The following CUBN variants were observed in gnomAD, a reference collection of about 807,000 sequenced individuals.
CUBN encodes the protein 460 kDa receptor.
CUBN carries 282 observed loss-of-function variants against 405.3 expected under a neutral mutation model. The ratio of observed to expected loss-of-function variants is 0.70; its 90% CI spans 0.63 to 0.77. The LOEUF (loss-of-function observed/expected upper bound fraction) is 0.77. Ranked by LOEUF, CUBN falls within the 30% of genes least tolerant of loss-of-function variation. The probability of loss-of-function intolerance (pLI) is 0.00; values close to 1 mark genes in which losing one functional copy is unlikely to be tolerated. For missense variants in CUBN, 4,514 were observed against 4,475.2 expected (o/e 1.01, Z -0.25); for synonymous variants, 1,684 against 1,617.0 (o/e 1.04, Z -0.99).
chr10:16,990,113 C>G (rs1008573350), intron 29 of CUBN, among the ~76,000 whole-genome samples: 2 of 152,216 alleles, frequency 1.3e-5, no homozygotes, highest in Admixed American at 6.5e-5. Flanking sequence ...GCATTACCTC[C>G]TAACTCAGCT....
chr10:16,857,917 T>G (rs1255492785), intron 59 of CUBN, among the ~76,000 whole-genome samples: 1 of 152,130 alleles, frequency 6.6e-6, no homozygotes, highest in Non-Finnish European at 1.5e-5. Flanking sequence ...AAATCCCAAG[T>G]AATATGGAAA....
At position 17,044,469 on chromosome 10, in the gene CUBN, G is replaced by C. The variant is rs373102981; in HGVS notation, c.3673-486C>G. Among the ~76,000 whole-genome samples the C allele has an allele frequency of 4.6e-5, 7 of 151,976 alleles. No homozygotes were observed. In the East Asian group the frequency reaches 5.8e-4, roughly 13 times the overall value. Reference sequence around the variant, plus strand: ...AGTAATAAGCGTGTGAGCTTACACTGAAGGCTGAATATTGAAAATGAAAGC... The same window carrying C: ...AGTAATAAGCGTGTGAGCTTACACTCAAGGCTGAATATTGAAAATGAAAGC... On this transcript the variant is annotated intron_variant, in intron 25 of 66. Coordinates refer to ENST00000377833, the MANE Select transcript of CUBN (RefSeq NM_001081.4).
At chr10:16,827,217 C>CA (rs1352952234) in intron 66 of CUBN, among the ~76,000 whole-genome samples, 1 of 152,106 alleles carries the variant, frequency 6.6e-6, no homozygotes, top group African/African-American at 2.4e-5. Flanking sequence ...TAAATTAGGC[C>CA]ACACTCGTGC....
chr10:17,058,980 T>C (rs1835449776), intron 22 of CUBN, among the ~76,000 whole-genome samples: 1 of 151,996 alleles, frequency 6.6e-6, no homozygotes, highest in Admixed American at 6.6e-5. Flanking sequence ...TCTAAGAACA[T>C]TTACAAAGAA....
At position 16,950,111 on chromosome 10, in the gene CUBN, A is replaced by G. The variant is rs919920408; in HGVS notation, c.4970T>C (p.Leu1657Ser). 4 of 1,609,050 alleles carry G rather than the reference A, an allele frequency of 2.5e-6. No individual in the cohort carries two copies. The highest frequency in any genetic ancestry group is 2.6e-6 in the Non-Finnish European group (3 of 1,175,924). Residue 1657 changes from leucine (L) to serine (S), a missense_variant and splice_region_variant, in exon 34 of 67, where the codon TTA (leucine) becomes TCA (serine). By Grantham distance (145) the Leu-to-Ser change is moderately radical. Around this residue, in one of 5 missense-constraint regions of CUBN, gnomAD observed 1,613 missense variants for 1,542.8 expected, o/e 1.05. Coordinates refer to ENST00000377833, the MANE Select transcript of CUBN (RefSeq NM_001081.4). ...GGTAAAAGAGAGGGTGATATGATTT[A>G]CTGGAAGAAAAAAGAGAAGACTCTC... ...CSWIIQAQPPLNHITLSFTHF... is the reference protein window; with the variant it reads ...CSWIIQAQPPSNHITLSFTHF...
chr10:17,010,618 G>A (rs1482767224), intron 28 of CUBN, among the ~76,000 whole-genome samples: 1 of 152,042 alleles, frequency 6.6e-6, no homozygotes, highest in African/African-American at 2.4e-5. Flanking sequence ...CAGTTTGGAT[G>A]ACAGAGCAAG....
At chr10:17,042,086 C>T (rs569138435) in intron 26 of CUBN, among the ~76,000 whole-genome samples, 3 of 152,214 alleles carry the variant, frequency 2.0e-5, no homozygotes, top group Admixed American at 1.3e-4. Flanking sequence ...ATTCCTACTA[C>T]GATATGCTTT....
chr10:17,073,387 A>T (rs1301172321), intron 17 of CUBN, among the ~76,000 whole-genome samples: 1 of 151,918 alleles, frequency 6.6e-6, no homozygotes, highest in South Asian at 2.1e-4. Context: ...GTTTTATTAG[A>T]AAAAAAAGGA....
At chr10:17,125,036 T>C (rs1837141531) in intron 4 of CUBN, among the ~76,000 whole-genome samples, 2 of 151,834 alleles carry the variant, frequency 1.3e-5, no homozygotes, top group Admixed American at 1.3e-4. Flanking sequence ...TCCACCATGT[T>C]GACCAGGCTG....
At chr10:17,030,314 T>G (rs1834761881) in intron 27 of CUBN, among the ~76,000 whole-genome samples, 1 of 145,240 alleles carries the variant, frequency 6.9e-6, no homozygotes. Flanking sequence ...GGAAAAACTG[T>G]CTTCCACAAA....
chr10:16,866,986 T>A (rs1840204734), intron 59 of CUBN, among the ~76,000 whole-genome samples: 1 of 152,206 alleles, frequency 6.6e-6, no homozygotes, highest in Non-Finnish European at 1.5e-5. Flanking sequence ...CACATAATTA[T>A]ATAAGCCAAT....
rs551445211 is a variant in CUBN, at chr10:17,058,572, T to A, written c.3139+6936A>T. Among the ~76,000 whole-genome samples the A allele has an allele frequency of 1.3e-4, 20 of 152,266 alleles. No individual in the cohort carries two copies. In the South Asian group the frequency reaches 1.5e-3, roughly 11 times the overall value. On this transcript the variant is annotated intron_variant, in intron 22 of 66. Transcript: ENST00000377833. Reference sequence around the variant, plus strand: ...TAGGATATTTAATCTTAAAACCTGATGGTAGTTTTATGAGATTCAAATTTC... The same window carrying A: ...TAGGATATTTAATCTTAAAACCTGAAGGTAGTTTTATGAGATTCAAATTTC...
intron 28 of CUBN, among the ~76,000 whole-genome samples, chr10:17,011,911 C>T (rs914430981): frequency 6.6e-6 from 1 of 152,150 alleles, no homozygotes; most frequent in Non-Finnish European, 1.5e-5. Context: ...GACCCAGAAG[C>T]TCAGCTGGCT....
chr10:16,948,582 G>C lies in CUBN; in HGVS notation c.5105C>G (p.Pro1702Arg), dbSNP rs1842844570. The part of the protein sequence containing the change: ...LRGRYCGTDM[P>R]HPITSFSSAL... ...GCTGCTGAAGGATGTGATAGGATGG[G>C]GCATGTCGGTGCCACAGTAACGGCC... The change falls in exon 35 of 67, where the codon CCC becomes CGC. Residue 1702 changes from proline (P) to arginine (R), a missense_variant. Physicochemically the swap from Pro to Arg is moderately radical, Grantham distance 103. Coordinates refer to ENST00000377833, the MANE Select transcript of CUBN (RefSeq NM_001081.4). The C allele has an allele frequency of 6.2e-7, 1 of 1,613,976 alleles. No homozygotes were observed. The highest frequency in any genetic ancestry group is 8.5e-7 in the Non-Finnish European group (1 of 1,179,956).
intron 31 of CUBN, among the ~76,000 whole-genome samples, chr10:16,955,373 TCAAAAAAAAAAAAA>T (rs1354330454): frequency 4.8e-5 from 2 of 42,050 alleles, no homozygotes; most frequent in African/African-American, 1.1e-4. Context: ...AGATTCTGTC[TCAAAAAAAAAAAAA>T]AAAAAAAAAA....
chr10:17,024,883 C>G (rs1265163277), intron 27 of CUBN, among the ~76,000 whole-genome samples: 1 of 152,176 alleles, frequency 6.6e-6, no homozygotes, highest in Admixed American at 6.5e-5. Flanking sequence ...CTAATTCATA[C>G]TGTTTGTAAA....
intron 43 of CUBN, among the ~76,000 whole-genome samples, chr10:16,923,929 G>A (rs532403980): frequency 6.6e-6 from 1 of 152,188 alleles, no homozygotes; most frequent in Admixed American, 6.5e-5. Context: ...AAAATTAGCT[G>A]GGCATGATGG....
At chr10:17,101,617 A>G (rs1836494965) in intron 13 of CUBN, among the ~76,000 whole-genome samples, 1 of 152,214 alleles carries the variant, frequency 6.6e-6, no homozygotes, top group Admixed American at 6.5e-5. Context: ...TATTTTTATG[A>G]ATCCAGGAGG....
In CUBN at chr10:17,075,073, C is replaced by CTTTTTTTTTTTT. The variant is rs957929670; in HGVS notation, c.2302-3114_2302-3103dup. Among the ~76,000 whole-genome samples, 49 of 65,326 alleles carry CTTTTTTTTTTTT rather than the reference C, an allele frequency of 7.5e-4. 1 individual carries two copies. Among genetic ancestry groups the CTTTTTTTTTTTT allele is most frequent in the African/African-American group, 2.5e-3 (40 of 15,722 alleles). 42.9% of individuals were successfully genotyped at this position (65,326 alleles called of 152,430 possible). On this transcript the variant is annotated intron_variant, in intron 17 of 66. Transcript: ENST00000377833. ...TAAAGAGAAGATTTTTCTTTGTTTT[C>CTTTTTTTTTTTT]TTTTTTTTTTTTTTTTTTTTTTTTT...
Sources: allele counts gnomAD v4.1 joint callset (sites outside exome capture counted in the v4.1 genomes callset), GRCh38; gene constraint gnomAD v4.1.1; regional missense constraint gnomAD v4.1.1; transcripts MANE v1.5; gene names NCBI Gene and HGNC (gene_info 2026-07-23, HGNC 2026-07-21).